PLA1A: variants seen among roughly 807,000 people sequenced by gnomAD.
PLA1A encodes the protein phosphatidylserine-specific phospholipase A1alpha.
In PLA1A, 47 loss-of-function variants were observed where a neutral mutation model predicts 49.4. The observed-to-expected ratio is 0.95, with a 90% CI of 0.75 to 1.21. The LOEUF is 1.21. PLA1A is among the 50% of genes most tolerant of loss of function. The pLI is 0.00. For synonymous variants in PLA1A, 224 were observed against 207.9 expected (o/e 1.08, Z -0.67); for missense variants, 561 against 563.9 (o/e 0.99, Z 0.05).
chr3:119,610,032 G>A (rs2082744517), intron 4 of PLA1A, among the ~76,000 whole-genome samples: 1 of 152,116 alleles, frequency 6.6e-6, no homozygotes, highest in Non-Finnish European at 1.5e-5. Flanking sequence ...GTGTCCATGT[G>A]CACCCAATGT....
intron 8 of PLA1A, chr3:119,620,086 G>T (rs2082908653): frequency 6.6e-6 from 3 of 457,582 alleles, no homozygotes; most frequent in Non-Finnish European, 8.8e-6. Context: ...ATGCATTCCA[G>T]CTTCTCACTG....
chr3:119,619,947 C>T, intron 8 of PLA1A: 2 of 451,320 alleles, frequency 4.4e-6, no homozygotes, highest in East Asian at 5.4e-5. Flanking sequence ...CCTCCGGCTG[C>T]CTCCTTTCTG....
intron 1 of PLA1A, among the ~76,000 whole-genome samples, chr3:119,598,925 T>A (rs2082577290): frequency 6.6e-6 from 1 of 152,220 alleles, no homozygotes; most frequent in Admixed American, 6.5e-5. Flanking sequence ...TCAGAGGTGC[T>A]GTTGAGCTCT....
rs529239771 is a variant in PLA1A at position 119,608,045 on chromosome 3, A to C, written c.276-725A>C. Among the ~76,000 whole-genome samples the C allele has an allele frequency of 2.0e-5, 3 of 152,332 alleles. No homozygotes were observed. In the South Asian group the frequency reaches 6.2e-4, roughly 32 times the overall value. ...ACTATACAGTAAGTTCCAGAAGGAC[A>C]GGGACTATATCTTATTTGTCTTTAT... On this transcript the variant is annotated intron_variant, in intron 2 of 10. Coordinates refer to ENST00000273371, the MANE Select transcript of PLA1A (RefSeq NM_015900.4).
chr3:119,609,067 T>C lies in PLA1A; in HGVS notation c.453+120T>C, dbSNP rs9860404. 2,321 of 765,886 alleles carry C rather than the reference T, an allele frequency of 3.0e-3. 33 individuals are homozygous for C. The African/African-American group carries it at 0.037, about 12-fold the overall frequency. 47.4% of individuals were successfully genotyped at this position (765,886 alleles called of 1,614,324 possible). A position where few individuals can be genotyped will look rare whatever the true frequency, so the allele number is the denominator to read the frequency against. The stretch of plus-strand genomic sequence containing the variant: ...GCAGAGTCACCAGGTAGCTCGGTGG[T>C]CTTGGGTTCAAATCTTGACTTTGCC... On this transcript the variant is annotated intron_variant, in intron 3 of 10. Coordinates refer to ENST00000273371, the MANE Select transcript of PLA1A (RefSeq NM_015900.4).
rs149625565 is a variant in PLA1A, at chr3:119,628,881, C to G, written c.1286+16C>G. On this transcript the variant is annotated intron_variant, in intron 10 of 10. Transcript: ENST00000273371. ...TCAATGACAGGTAAGCCCCAGTATT[C>G]ACCTCTGCACCAGATGCACTCACAC... 103 of 1,605,262 alleles carry G rather than the reference C, an allele frequency of 6.4e-5. No individual in the cohort carries two copies. The East Asian group carries it at 2.1e-3, about 33-fold the overall frequency.
At chr3:119,601,424 A>G (rs2082617187) in intron 1 of PLA1A, among the ~76,000 whole-genome samples, 1 of 152,010 alleles carries the variant, frequency 6.6e-6, no homozygotes, top group Admixed American at 6.5e-5. Flanking sequence ...CTTCTCTAAC[A>G]CTTCTTCAGT....
chr3:119,617,897 AG>A (rs774407783), intron 6 of PLA1A, 121 bp from the exon 7 acceptor site: 49 of 648,130 alleles, frequency 7.6e-5, no homozygotes, highest in Non-Finnish European at 1.2e-4. Context: ...AAGTGATTTG[AG>A]GGGACTCCCA....
intron 1 of PLA1A, among the ~76,000 whole-genome samples, chr3:119,601,016 CCCG>C (rs2082611312): frequency 6.6e-6 from 1 of 152,238 alleles, no homozygotes. Context: ...GCAGTGTCTT[CCCG>C]AGGAGCCTGG....
intron 3 of PLA1A, 121 bp downstream of exon 3, chr3:119,609,068 CTT>C (rs2082731584): frequency 1.3e-6 from 1 of 759,656 alleles, no homozygotes; most frequent in South Asian, 1.8e-5. Flanking sequence ...GCTCGGTGGT[CTT>C]GGGTTCAAAT....
At chr3:119,604,955 T>C (rs1474724820) in intron 1 of PLA1A, among the ~76,000 whole-genome samples, 1 of 152,232 alleles carries the variant, frequency 6.6e-6, no homozygotes, top group Admixed American at 6.5e-5. Context: ...ATTGATTCTT[T>C]GGTGATTATT....
chr3:119,615,943 A>C, intron 5 of PLA1A, 69 bp from the exon 6 acceptor site: 1 of 969,040 alleles, frequency 1.0e-6, no homozygotes, highest in Non-Finnish European at 1.7e-6. Flanking sequence ...TCCCAAGGTC[A>C]GAGTTTGAGG....
chr3:119,622,091 A>AAGAAGAAGAAGAAGAAGAAGGAGAAGG (rs2082941784), intron 8 of PLA1A, among the ~76,000 whole-genome samples: 1 of 68,402 alleles, frequency 1.5e-5, no homozygotes, highest in African/African-American at 4.6e-5. Flanking sequence ...CTGAAGAAAG[A>AAGAAGAAGAAGAAGAAGAAGGAGAAGG]AGAAGAAGAA....
At position 119,629,789 on chromosome 3, in the gene PLA1A, T is replaced by G. The variant is rs979925560; in HGVS notation, c.*321T>G. On this transcript the variant is annotated 3_prime_UTR_variant, in exon 11 of 11. Coordinates refer to ENST00000273371, the MANE Select transcript of PLA1A (RefSeq NM_015900.4). The stretch of plus-strand genomic sequence containing the variant: ...TACAGGGTAAACAATTTTTTAAAAA[T>G]AAAACTTCATGGAGTATCTGAATCA... 11 of 281,268 alleles carry G rather than the reference T, an allele frequency of 3.9e-5. No individual in the cohort carries two copies. The highest frequency in any genetic ancestry group is 5.3e-5 in the Non-Finnish European group (8 of 150,548). The allele number at this position is 281,268 out of a possible 1,614,324, so 17.4% of individuals were successfully genotyped here. A position where few individuals can be genotyped will look rare whatever the true frequency, so the allele number is the denominator to read the frequency against.
chr3:119,607,108 C>A, intron 2 of PLA1A, 133 bp downstream of exon 2: 1 of 717,126 alleles, frequency 1.4e-6, no homozygotes, highest in Non-Finnish European at 2.5e-6. Flanking sequence ...TCATATCCTG[C>A]TGTCTTTGAT....
intron 5 of PLA1A, 76 bp from the exon 6 acceptor site, chr3:119,615,936 C>A: frequency 1.1e-6 from 1 of 895,494 alleles, no homozygotes; most frequent in Non-Finnish European, 1.8e-6. Flanking sequence ...GGTGGGCTCC[C>A]AAGGTCAGAG....
Position 119,609,440 on chromosome 3 carries a change from G to A in PLA1A, c.454-28G>A, listed in dbSNP as rs372349601. On this transcript the variant is annotated intron_variant, in intron 3 of 10. Transcript: ENST00000273371. ...GAAGCCAGCAGACTCTGTGGCCCACGGGGAACTCACTGTTCCTGCTCTTCT... is the reference window on the plus strand; with the variant it reads ...GAAGCCAGCAGACTCTGTGGCCCACAGGGAACTCACTGTTCCTGCTCTTCT... 8 of 1,384,144 alleles carry A rather than the reference G, an allele frequency of 5.8e-6. No individual in the cohort carries two copies. In the East Asian group the frequency reaches 6.8e-5, roughly 12 times the overall value. The allele number at this position is 1,384,144 out of a possible 1,614,324, so 85.7% of individuals were successfully genotyped here.
intron 5 of PLA1A, among the ~76,000 whole-genome samples, chr3:119,615,742 C>T (rs950141037): frequency 6.6e-5 from 10 of 151,612 alleles, no homozygotes; most frequent in East Asian, 3.9e-4. Context: ...ATCCGGGAGG[C>T]GGAGGTTGCA....
At chr3:119,603,100 T>C (rs487124) in intron 1 of PLA1A, among the ~76,000 whole-genome samples, 32,810 of 152,040 alleles carry the variant, frequency 0.22, 4,257 homozygotes, top group East Asian at 0.46. Context: ...AGTCCATTGT[T>C]AGGACTTCAG....
Sources: allele counts gnomAD v4.1 joint callset (sites outside exome capture counted in the v4.1 genomes callset), GRCh38; gene constraint gnomAD v4.1.1; transcripts MANE v1.5; gene names NCBI Gene and HGNC (gene_info 2026-07-23, HGNC 2026-07-21).